ABL1: variants seen among roughly 807,000 people sequenced by gnomAD.
The protein encoded by ABL1 is tyrosine-protein kinase ABL1.
In ABL1, 11 loss-of-function variants were observed where a neutral mutation model predicts 94.7. The ratio of observed to expected loss-of-function variants is 0.12; its 90% CI spans 0.07 to 0.19. ABL1 has a LOEUF of 0.19. Among genes scored for constraint, ABL1 ranks in the 10% least tolerant of loss-of-function variants. The pLI is 1.00. For missense variants in ABL1, 1,082 were observed against 1,489.4 expected (o/e 0.73, Z 4.50); for synonymous variants, 656 against 622.4 (o/e 1.05, Z -0.80).
rs531604732 is a variant in ABL1 at position 130,745,011 on chromosome 9, T to C, written c.136+30556T>C. 1.0e-3 allele frequency among the ~76,000 whole-genome samples: 157 copies of C among 152,242 alleles called. 2 individuals carry two copies. The highest frequency in any genetic ancestry group is 6.8e-3 in the Middle Eastern group (2 of 294). The stretch of plus-strand genomic sequence containing the variant: ...TAGAATGTTTTTCAACTGTTTGCTT[T>C]TATCTGAGACAAAGTGGGCAAGGAA... On this transcript the variant is annotated intron_variant, in intron 1 of 10. Coordinates refer to the ABL1 transcript ENST00000372348.
chr9:130,723,771 T>G (rs1831544119), intron 1 of ABL1, among the ~76,000 whole-genome samples: 1 of 152,116 alleles, frequency 6.6e-6, no homozygotes, highest in African/African-American at 2.4e-5. Context: ...TGGAAGAGAG[T>G]GTTGAAACGT....
chr9:130,880,507 A>G lies in ABL1; in HGVS notation c.1521A>G (p.Glu507=), dbSNP rs771568840. The change falls in exon 10 of 11, where the codon GAA becomes GAG. Residue 507 remains glutamate, a synonymous_variant. Transcript: ENST00000318560. This position sits in a 1 kb window ranked among gnomAD's most constrained non-coding sequence, Gnocchi z 4.4. ...TCCCTGTATGATTCTTAGAAGTGGA[A>G]AAGGAGCTGGGGAAACAAGGCGTCC... The part of the protein sequence containing the change: ...FQESSISDEV[E]KELGKQGVRG... 12 of 1,613,730 alleles carry G rather than the reference A, an allele frequency of 7.4e-6. No individual in the cohort carries two copies. In the Admixed American group the frequency reaches 1.5e-4, roughly 20 times the overall value.
intron 1 of ABL1, among the ~76,000 whole-genome samples, chr9:130,743,066 A>G (rs552290731): frequency 2.6e-5 from 4 of 152,248 alleles, no homozygotes; most frequent in East Asian, 1.9e-4. Flanking sequence ...AACATCTTAC[A>G]CTAAAGTTGA....
intron 1 of ABL1, among the ~76,000 whole-genome samples, chr9:130,745,248 C>G (rs988024935): frequency 1.3e-5 from 2 of 151,884 alleles, no homozygotes; most frequent in South Asian, 2.1e-4. Context: ...CCACACCTGG[C>G]TAATTTTGTA....
chr9:130,756,006 A>G (rs934819520), intron 1 of ABL1, among the ~76,000 whole-genome samples: 1 of 150,856 alleles, frequency 6.6e-6, no homozygotes, highest in Non-Finnish European at 1.5e-5. Context: ...CTCATTTATT[A>G]AAAAAAAATG....
chr9:130,847,282 A>C lies in ABL1; in HGVS notation c.80-6782A>C, dbSNP rs530926321. Among the ~76,000 whole-genome samples, 75 of 152,246 alleles carry C rather than the reference A, an allele frequency of 4.9e-4. 1 individual carries two copies. The highest frequency in any genetic ancestry group is 4.1e-3 in the Admixed American group (63 of 15,282). ...CAGAAAATGTTCACTAAAAAAATTT[A>C]AGAATAATAGCAGATGCTAAAATTT... On this transcript the variant is annotated intron_variant, in intron 1 of 10. Coordinates refer to ENST00000318560, the MANE Select transcript of ABL1 (RefSeq NM_005157.6).
chr9:130,885,684 C>A lies in ABL1; in HGVS notation c.*1C>A. 6.2e-7 allele frequency: 1 copy of A among 1,607,184 alleles called. No homozygotes were observed. ...AATCAGTGACATAGTGCAGAGGTAG[C>A]AGCAGTCAGGGGTCAGGTGTCAGGC... On this transcript the variant is annotated 3_prime_UTR_variant, in exon 11 of 11. Transcript: ENST00000318560.
intron 1 of ABL1, among the ~76,000 whole-genome samples, chr9:130,775,037 C>T (rs1832295520): frequency 6.6e-6 from 1 of 152,132 alleles, no homozygotes; most frequent in Non-Finnish European, 1.5e-5. Context: ...TTTGAATTTA[C>T]CTGGCCTCTG....
chr9:130,750,788 A>G (rs1257143490), intron 1 of ABL1, among the ~76,000 whole-genome samples: 1 of 151,068 alleles, frequency 6.6e-6, no homozygotes, highest in East Asian at 2.0e-4. Context: ...CTGGGATTAC[A>G]GGTGCTCGCC....
chr9:130,812,312 G>A (rs1280755941), intron 1 of ABL1, among the ~76,000 whole-genome samples: 1 of 151,116 alleles, frequency 6.6e-6, no homozygotes. Context: ...AGTGAGCTCT[G>A]ATCACACCAC....
chr9:130,841,537 C>T (rs999764215), intron 1 of ABL1, among the ~76,000 whole-genome samples: 2 of 150,056 alleles, frequency 1.3e-5, no homozygotes, highest in Admixed American at 6.7e-5. Flanking sequence ...TCAGGCCGGG[C>T]GCGGTGGCTG....
intron 1 of ABL1, among the ~76,000 whole-genome samples, chr9:130,729,899 C>G (rs1413620349): frequency 7.8e-6 from 1 of 128,524 alleles, no homozygotes; most frequent in Non-Finnish European, 1.7e-5. Flanking sequence ...CCACACCAGG[C>G]TATTTTTTTT....
intron 1 of ABL1, among the ~76,000 whole-genome samples, chr9:130,756,615 A>G (rs184504289): frequency 7.9e-5 from 12 of 152,280 alleles, no homozygotes; most frequent in Non-Finnish European, 1.8e-4. Context: ...TTTTGCCAAA[A>G]AAGAGAAGTT....
At chr9:130,829,732 G>A (rs1830471684) in intron 1 of ABL1, among the ~76,000 whole-genome samples, 1 of 152,142 alleles carries the variant, frequency 6.6e-6, no homozygotes, top group African/African-American at 2.4e-5. Flanking sequence ...GATAAACAAA[G>A]ATGTATAATA....
intron 4 of ABL1, among the ~76,000 whole-genome samples, chr9:130,867,848 G>A (rs1471834214): frequency 6.6e-6 from 1 of 152,174 alleles, no homozygotes; most frequent in Non-Finnish European, 1.5e-5. Flanking sequence ...CCTCTACGAG[G>A]TGGTCTCTCC....
In ABL1 at chr9:130,885,591, C is replaced by G. The variant is rs1443540895; in HGVS notation, c.3301C>G (p.Pro1101Ala). 6.2e-7 allele frequency: 1 copy of G among 1,613,794 alleles called. No individual in the cohort carries two copies. The highest frequency in any genetic ancestry group is 1.1e-5 in the South Asian group (1 of 91,084). ...ENNLRELQIC[P>A]ATAGSGPAAT... is the part of the protein sequence containing the mutation. Reference sequence around the variant, plus strand: ...TAATCTCCGGGAGCTTCAGATCTGCCCGGCGACAGCAGGCAGTGGTCCAGC... The same window carrying G: ...TAATCTCCGGGAGCTTCAGATCTGCGCGGCGACAGCAGGCAGTGGTCCAGC... The change falls in exon 11 of 11, where the codon CCG (proline) becomes GCG (alanine). Residue 1101 changes from proline to alanine, a missense_variant. Transcript: ENST00000318560.
At chr9:130,836,206 A>G (rs1420476291) in intron 1 of ABL1, among the ~76,000 whole-genome samples, 2 of 152,124 alleles carry the variant, frequency 1.3e-5, no homozygotes, top group African/African-American at 4.8e-5. Flanking sequence ...AGTCCCCCAG[A>G]GTACTGGGGT....
intron 1 of ABL1, among the ~76,000 whole-genome samples, chr9:130,769,081 T>C (rs534958982): frequency 6.6e-6 from 1 of 152,232 alleles, no homozygotes; most frequent in Non-Finnish European, 1.5e-5. Context: ...TCACTCTTTA[T>C]TTCACATACA....
In ABL1 at chr9:130,876,984, A is replaced by G. The variant is rs7042642; in HGVS notation, c.1271-1431A>G. 1.3e-3 allele frequency among the ~76,000 whole-genome samples: 189 copies of G among 145,064 alleles called. 25 individuals carry two copies. Among genetic ancestry groups the G allele is most frequent in the East Asian group, 4.6e-3 (23 of 4,998 alleles). On this transcript the variant is annotated intron_variant, in intron 7 of 10. Coordinates refer to ENST00000318560, the MANE Select transcript of ABL1 (RefSeq NM_005157.6). The stretch of plus-strand genomic sequence containing the variant: ...GATCTCCGGACTTCGTGATCCGCCC[A>G]CCTTGGCCTCCCAAAGTGCACAAGT...
Sources: gnomAD v4.1 joint callset for allele counts (sites outside exome capture counted in the v4.1 genomes callset) on GRCh38, gnomAD v4.1.1 for gene constraint, Gnocchi (gnomAD v3.1) non-coding constraint, MANE v1.5 for transcripts, NCBI Gene and HGNC (gene_info 2026-07-23, HGNC 2026-07-21) for gene names.